CSMD1: variants seen among roughly 807,000 people sequenced by gnomAD.
The protein encoded by CSMD1 is CUB and Sushi multiple domains 1.
In CSMD1, 213 loss-of-function variants were observed where a neutral mutation model predicts 417.5. That is an observed-to-expected ratio of 0.51 (90% CI 0.46 to 0.57). The LOEUF (loss-of-function observed/expected upper bound fraction) is 0.57, where lower values mean the gene tolerates loss of function less well. Among genes scored for constraint, CSMD1 ranks in the 20% least tolerant of loss-of-function variants. CSMD1 has a pLI of 0.00. For missense variants in CSMD1, 6,923 were observed against 4,529.7 expected (o/e 1.53, Z -15.17); for synonymous variants, 2,862 against 1,736.8 (o/e 1.65, Z -16.11).
chr8:3,602,716 TACAC>T (rs34593924), intron 8 of CSMD1, among the ~76,000 whole-genome samples: 13,902 of 146,586 alleles, frequency 0.095, 726 homozygotes, highest in Non-Finnish European at 0.12. Flanking sequence ...CAGGAAGAAT[TACAC>T]ACACACACAC....
Position 4,404,967 on chromosome 8 carries a change from A to C in CSMD1, c.415+14986T>G, listed in dbSNP as rs541520474. Among the ~76,000 whole-genome samples the C allele has an allele frequency of 2.9e-4, 44 of 152,356 alleles. 1 individual carries two copies. The South Asian group carries it at 9.1e-3, about 32-fold the overall frequency. The stretch of plus-strand genomic sequence containing the variant: ...TCCTCTTTTGGAAATATGGAAACCG[A>C]GGCACAAGAGGATTAGTCATTTTCT... On this transcript the variant is annotated intron_variant, in intron 3 of 69. Transcript: ENST00000635120.
chr8:3,498,186 T>G lies in CSMD1; in HGVS notation c.1345-4460A>C, dbSNP rs189878445. On this transcript the variant is annotated intron_variant, in intron 10 of 69. Coordinates refer to ENST00000635120, the MANE Select transcript of CSMD1 (RefSeq NM_033225.6). The stretch of plus-strand genomic sequence containing the variant: ...AATCTAATGTTAGTCTGGGAGCTTC[T>G]TGCTTATATTTGACTTGACTGTTTT... Among the ~76,000 whole-genome samples the G allele has an allele frequency of 8.4e-3, 1,282 of 152,332 alleles. 13 individuals carry two copies. Among genetic ancestry groups the G allele is most frequent in the Middle Eastern group, 0.031 (9 of 294 alleles).
chr8:4,302,140 AAC>A (rs1278552379), intron 3 of CSMD1, among the ~76,000 whole-genome samples: 9 of 152,220 alleles, frequency 5.9e-5, no homozygotes, highest in Non-Finnish European at 1.2e-4. Flanking sequence ...CTAACAAAAA[AAC>A]AGTTTATGGA....
At chr8:4,558,538 GCAAGT>G (rs1293735557) in intron 2 of CSMD1, among the ~76,000 whole-genome samples, 1 of 152,106 alleles carries the variant, frequency 6.6e-6, no homozygotes, top group African/African-American at 2.4e-5. Context: ...GACTCCGAAA[GCAAGT>G]ACCTTGCTCA....
Position 3,853,896 on chromosome 8 carries a change from T to TAAAGTA in CSMD1, c.819-99855_819-99854insTACTTT, listed in dbSNP as rs1218362436. Among the ~76,000 whole-genome samples, 185 of 145,570 alleles carry TAAAGTA rather than the reference T, an allele frequency of 1.3e-3. 5 individuals carry two copies. Among genetic ancestry groups the TAAAGTA allele is most frequent in the African/African-American group, 3.3e-3 (133 of 39,878 alleles). Reference sequence around the variant, plus strand: ...CTTTAATATATTAATATATTATACTTTAATATATTAATACATTAAAGTATA... The same window carrying TAAAGTA: ...CTTTAATATATTAATATATTATACTTAAAGTATAATATATTAATACATTAAAGTATA... On this transcript the variant is annotated intron_variant, in intron 5 of 69. Transcript: ENST00000635120.
Position 4,894,176 on chromosome 8 carries a change from G to A in CSMD1, c.85+100156C>T, listed in dbSNP as rs138251069. 3.1e-3 allele frequency among the ~76,000 whole-genome samples: 475 copies of A among 152,008 alleles called. 2 individuals are homozygous for A. Among genetic ancestry groups the A allele is most frequent in the Non-Finnish European group, 5.3e-3 (362 of 67,956 alleles). On this transcript the variant is annotated intron_variant, in intron 1 of 69. Transcript: ENST00000635120. ...ACAGTGAACAGTTTTTATGTTATTA[G>A]CTCTTTCTATATGTCTTATCAGATA...
intron 1 of CSMD1, among the ~76,000 whole-genome samples, chr8:4,658,913 C>A (rs891941218): frequency 6.6e-6 from 1 of 151,902 alleles, no homozygotes; most frequent in Admixed American, 6.5e-5. Flanking sequence ...ATTGAAAATA[C>A]GTTGATATTA....
At position 4,518,995 on chromosome 8, in the gene CSMD1, T is replaced by C. The variant is rs184492611; in HGVS notation, c.303-98930A>G. ...AGAGACTCCCCACTTTCTCTTTTGC[T>C]GCACTACAGTATAATTTCTTTTTAC... On this transcript the variant is annotated intron_variant, in intron 2 of 69. Coordinates refer to ENST00000635120, the MANE Select transcript of CSMD1 (RefSeq NM_033225.6). Among the ~76,000 whole-genome samples the C allele has an allele frequency of 7.0e-4, 107 of 152,306 alleles. No homozygotes were observed. The East Asian group carries it at 0.018, about 26-fold the overall frequency.
intron 25 of CSMD1, among the ~76,000 whole-genome samples, chr8:3,302,197 C>G (rs1234195844): frequency 1.3e-5 from 2 of 152,128 alleles, no homozygotes; most frequent in African/African-American, 4.8e-5. Flanking sequence ...GTGATGAGCT[C>G]TGAGGAGAGA....
chr8:4,554,614 T>C (rs1159407470), intron 2 of CSMD1, among the ~76,000 whole-genome samples: 1 of 152,234 alleles, frequency 6.6e-6, no homozygotes, highest in African/African-American at 2.4e-5. Flanking sequence ...TCTCAGGATG[T>C]GTTGATTTTA....
Position 4,675,766 on chromosome 8 carries a change from C to T in CSMD1, c.86-38208G>A, listed in dbSNP as rs1805643670. Among the ~76,000 whole-genome samples the T allele has an allele frequency of 3.9e-5, 6 of 152,174 alleles. No homozygotes were observed. The South Asian group carries it at 8.3e-4, about 21-fold the overall frequency. On this transcript the variant is annotated intron_variant, in intron 1 of 69. Transcript: ENST00000635120. ...CCTTACATTGCATTCTACTTGTCAA[C>T]AGTAAGCCTGTGTTTACATTCAGGT...
In CSMD1 at chr8:3,907,944, T is replaced by TG. The variant is rs200526526; in HGVS notation, c.818+89958dup. ...ACATGCATTCACTGATTGATTTTTTTGGGGGGTGTGGGGAGAGTGGTAATT... is the reference window on the plus strand; with the variant it reads ...ACATGCATTCACTGATTGATTTTTTTGGGGGGGTGTGGGGAGAGTGGTAATT... On this transcript the variant is annotated intron_variant, in intron 5 of 69. Transcript: ENST00000635120. Among the ~76,000 whole-genome samples, 276 of 151,806 alleles carry TG rather than the reference T, an allele frequency of 1.8e-3. 2 individuals are homozygous for TG. The highest frequency in any genetic ancestry group is 6.3e-3 in the African/African-American group (259 of 41,420).
chr8:4,211,503 T>C (rs1309942523), intron 3 of CSMD1, among the ~76,000 whole-genome samples: 1 of 152,232 alleles, frequency 6.6e-6, no homozygotes, highest in African/African-American at 2.4e-5. Context: ...GGTGTTTGAA[T>C]GTATTTATTT....
intron 3 of CSMD1, among the ~76,000 whole-genome samples, chr8:4,134,971 C>T (rs1585390938): frequency 6.6e-6 from 1 of 152,240 alleles, no homozygotes; most frequent in Admixed American, 6.5e-5. Flanking sequence ...ACTAGGCAGG[C>T]TCAGCTTAGT....
intron 1 of CSMD1, among the ~76,000 whole-genome samples, chr8:4,887,850 C>T (rs1202910752): frequency 6.6e-6 from 1 of 151,952 alleles, no homozygotes; most frequent in Non-Finnish European, 1.5e-5. Flanking sequence ...ACAGCCACTC[C>T]AGCTTTTGCA....
chr8:4,468,701 T>C (rs914625280), intron 2 of CSMD1, among the ~76,000 whole-genome samples: 12 of 152,196 alleles, frequency 7.9e-5, no homozygotes, highest in Admixed American at 5.9e-4. Context: ...CAAGAGTGTT[T>C]AGCATAATTC....
At chr8:3,603,692 G>C (rs960554132) in intron 8 of CSMD1, among the ~76,000 whole-genome samples, 15 of 152,248 alleles carry the variant, frequency 9.9e-5, no homozygotes, top group African/African-American at 3.4e-4. Context: ...ATTCCCTCTT[G>C]TATTCATTAT....
In CSMD1 at chr8:3,988,851, T is replaced by C. The variant is rs191724321; in HGVS notation, c.818+9052A>G. On this transcript the variant is annotated intron_variant, in intron 5 of 69. Coordinates refer to ENST00000635120, the MANE Select transcript of CSMD1 (RefSeq NM_033225.6). Reference sequence around the variant, plus strand: ...TTAGGTCCTATTTTTTCCTTTAAAGTGATATTATTACTGTTGTTATTGTCA... The same window carrying C: ...TTAGGTCCTATTTTTTCCTTTAAAGCGATATTATTACTGTTGTTATTGTCA... 8.2e-3 allele frequency among the ~76,000 whole-genome samples: 1,252 copies of C among 152,276 alleles called. 4 individuals are homozygous for C. The highest frequency in any genetic ancestry group is 0.016 in the South Asian group (79 of 4,820).
intron 17 of CSMD1, among the ~76,000 whole-genome samples, chr8:3,388,039 T>C (rs1811119713): frequency 6.6e-6 from 1 of 152,242 alleles, no homozygotes; most frequent in African/African-American, 2.4e-5. Context: ...ACTCTCCCTG[T>C]GTCTTATATA....
Sources: gnomAD v4.1 joint callset for allele counts (sites outside exome capture counted in the v4.1 genomes callset) on GRCh38, gnomAD v4.1.1 for gene constraint, MANE v1.5 for transcripts, NCBI Gene and HGNC (gene_info 2026-07-23, HGNC 2026-07-21) for gene names.